Variants in RABGEF1 observed in about 807,000 individuals in gnomAD.
RABGEF1 encodes RAB guanine nucleotide exchange factor 1.
A neutral mutation model predicts 57.3 loss-of-function variants in RABGEF1; 26 were observed. That is an observed-to-expected ratio of 0.45 (90% confidence interval 0.33 to 0.63). The LOEUF (loss-of-function observed/expected upper bound fraction) is 0.63. Ranked by LOEUF, RABGEF1 falls within the 20% of genes least tolerant of loss-of-function variation. The pLI is 0.02. For missense variants in RABGEF1, 464 were observed against 607.6 expected (o/e 0.76, Z 2.48); for synonymous variants, 185 against 210.7 (o/e 0.88, Z 1.06).
At chr7:66,676,191 G>A in the RABGEF1 span, among the ~76,000 whole-genome samples, 4 of 152,024 alleles carry the variant, frequency 2.6e-5, no homozygotes, top group East Asian at 5.8e-4. Context: ...GTGGTGGCCC[G>A]TGAATTGCTT....
At chr7:66,768,714 G>C (rs1187612411) in intron 1 of RABGEF1, 1 of 152,212 alleles carries the variant, frequency 6.6e-6, no homozygotes, top group Non-Finnish European at 1.5e-5. Context: ...AATAGCGTCA[G>C]ATCCATGCAT....
At chr7:66,758,921 A>G (rs1215488186) in intron 1 of RABGEF1, among the ~76,000 whole-genome samples, 1 of 152,240 alleles carries the variant, frequency 6.6e-6, no homozygotes, top group Non-Finnish European at 1.5e-5. Context: ...AATGACTTCA[A>G]ATCCATAGGA....
intron 2 of RABGEF1, among the ~76,000 whole-genome samples, chr7:66,720,197 T>A (rs6948921): frequency 0.28 from 36,588 of 131,724 alleles, 5,030 homozygotes; most frequent in Non-Finnish European, 0.35. Flanking sequence ...TATTATTATT[T>A]TTTTTTTTTT....
intron 1 of RABGEF1, among the ~76,000 whole-genome samples, chr7:66,706,167 C>G (rs546054445): frequency 9.3e-5 from 14 of 151,304 alleles, no homozygotes; most frequent in African/African-American, 3.4e-4. Context: ...CTCGCAAAGT[C>G]CTGGGATTAT....
At chr7:66,698,806 G>A (rs62466136) in intron 1 of RABGEF1, among the ~76,000 whole-genome samples, 5,994 of 152,254 alleles carry the variant, frequency 0.039, 166 homozygotes, top group East Asian at 0.085. Context: ...ACCCACGGGA[G>A]TTTCACTCCT....
intron 4 of RABGEF1, among the ~76,000 whole-genome samples, chr7:66,793,522 A>C (rs1211989596): frequency 1.1e-4 from 17 of 152,214 alleles, no homozygotes; most frequent in Non-Finnish European, 1.5e-5. Context: ...CTGTAGTAAT[A>C]ATCACAAGAA....
At chr7:66,712,511 C>T (rs999685454) in intron 2 of RABGEF1, among the ~76,000 whole-genome samples, 2 of 152,218 alleles carry the variant, frequency 1.3e-5, no homozygotes, top group Admixed American at 6.5e-5. Context: ...CACTTTGTTC[C>T]CCAGGCTGGA....
chr7:66,698,964 T>C (rs970596517), intron 1 of RABGEF1, among the ~76,000 whole-genome samples: 2 of 152,174 alleles, frequency 1.3e-5, no homozygotes, highest in African/African-American at 4.8e-5. Flanking sequence ...AGGGCCAAGG[T>C]GCAGGAAGCA....
intron 4 of RABGEF1, among the ~76,000 whole-genome samples, chr7:66,785,399 A>G (rs955724656): frequency 1.3e-5 from 2 of 152,188 alleles, no homozygotes; most frequent in Non-Finnish European, 2.9e-5. Context: ...TATGAAAGAG[A>G]TGTTTTTTAA....
intron 1 of RABGEF1, among the ~76,000 whole-genome samples, chr7:66,770,842 G>T (rs1222965895): frequency 1.3e-5 from 2 of 152,108 alleles, no homozygotes; most frequent in Non-Finnish European, 2.9e-5. Flanking sequence ...ATCTCATTGT[G>T]ATTTTGATTT....
intron 1 of RABGEF1, among the ~76,000 whole-genome samples, chr7:66,770,721 T>C (rs1325291488): frequency 6.6e-6 from 1 of 152,214 alleles, no homozygotes; most frequent in Non-Finnish European, 1.5e-5. Flanking sequence ...TAGCCTCAAG[T>C]GATCCTCCCA....
chr7:66,686,175 G>T (rs1424408279), intron 1 of RABGEF1, among the ~76,000 whole-genome samples: 1 of 151,972 alleles, frequency 6.6e-6, no homozygotes, highest in African/African-American at 2.4e-5. Context: ...CAGCTACTCG[G>T]GAGTCTGAGG....
In RABGEF1 at chr7:66,706,786, T is replaced by G. The variant is rs111233427; in HGVS notation, c.-872-5381T>G. Among the ~76,000 whole-genome samples, 440 of 139,536 alleles carry G rather than the reference T, an allele frequency of 3.2e-3. 1 individual carries two copies. Among genetic ancestry groups the G allele is most frequent in the African/African-American group, 9.9e-3 (392 of 39,420 alleles). The allele number at this position is 139,536 out of a possible 152,430, so 91.5% of individuals were successfully genotyped here. A position where few individuals can be genotyped will look rare whatever the true frequency, so the allele number is the denominator to read the frequency against. ...TCTTCTTTGACATACTGGTTTTTTT[T>G]TTTTTTTTTTTTTGAGAGGGAGTCT... On this transcript the variant is annotated intron_variant and NMD_transcript_variant, in intron 1 of 9. Coordinates refer to the RABGEF1 transcript ENST00000607882.
intron 6 of RABGEF1, 97 bp from the exon 7 acceptor site, chr7:66,799,226 A>G (rs1786731021): frequency 9.0e-6 from 8 of 884,638 alleles, no homozygotes; most frequent in Non-Finnish European, 1.4e-5. Context: ...TTGAGTGGTC[A>G]GTGATGCCTC....
At chr7:66,726,695 A>G (rs192070974) in intron 2 of RABGEF1, among the ~76,000 whole-genome samples, 262 of 151,964 alleles carry the variant, frequency 1.7e-3, no homozygotes, top group Non-Finnish European at 3.3e-3. Flanking sequence ...TTTTCAGGAT[A>G]ATGAAATGGT....
At chr7:66,752,038 C>CA (rs552233250) in intron 1 of RABGEF1, among the ~76,000 whole-genome samples, 5 of 151,260 alleles carry the variant, frequency 3.3e-5, no homozygotes, top group East Asian at 3.9e-4. Flanking sequence ...ATAAACAAAC[C>CA]AAAAAAAACC....
chr7:66,672,574 T>C, the RABGEF1 span, among the ~76,000 whole-genome samples: 15 of 152,320 alleles, frequency 9.8e-5, no homozygotes, highest in Non-Finnish European at 2.1e-4. Context: ...CACAGGCTTG[T>C]CAAAGAGGAT....
At chr7:66,657,682 A>C in the RABGEF1 span, among the ~76,000 whole-genome samples, 1 of 152,266 alleles carries the variant, frequency 6.6e-6, no homozygotes, top group South Asian at 2.1e-4. Flanking sequence ...TTAGCCAGGC[A>C]TGGTGATGCA....
intron 1 of RABGEF1, among the ~76,000 whole-genome samples, chr7:66,701,862 GTTTA>G (rs1199406148): frequency 6.6e-6 from 1 of 151,676 alleles, no homozygotes; most frequent in Non-Finnish European, 1.5e-5. Context: ...TCTGTGGTTT[GTTTA>G]TTAATTTTTT....
Sources: gnomAD v4.1 joint callset for allele counts (sites outside exome capture counted in the v4.1 genomes callset) on GRCh38, gnomAD v4.1.1 for gene constraint, MANE v1.5 for transcripts, NCBI Gene and HGNC (gene_info 2026-07-23, HGNC 2026-07-21) for gene names.